CWF19L2: variants seen among roughly 807,000 people sequenced by gnomAD.
The protein encoded by CWF19L2 is CWF19 like cell cycle control factor 2.
Under a neutral mutation model 111.7 loss-of-function variants are expected in CWF19L2, and 98 were observed. The ratio of observed to expected loss-of-function variants is 0.88; its 90% CI spans 0.75 to 1.04. CWF19L2 has a LOEUF of 1.04. Among genes scored for constraint, CWF19L2 ranks in the 50% least tolerant of loss-of-function variants. The pLI is 0.00. For synonymous variants in CWF19L2, 351 were observed against 342.9 expected (o/e 1.02, Z -0.26); for missense variants, 1,101 against 1,051.4 (o/e 1.05, Z -0.65).
In CWF19L2 at chr11:107,418,334, G is replaced by A. The variant is rs752106519; in HGVS notation, c.1434-47C>T. 3 of 1,200,750 alleles carry A rather than the reference G, an allele frequency of 2.5e-6. No homozygotes were observed. The South Asian group carries it at 3.6e-5, about 15-fold the overall frequency. 74.4% of individuals were successfully genotyped at this position (1,200,750 alleles called of 1,614,324 possible). A position where few individuals can be genotyped will look rare whatever the true frequency, so the allele number is the denominator to read the frequency against. Reference sequence around the variant, plus strand: ...ACAGCATATGAAATATAGGTGCGATGCAAGCAATAACATCAAGACTCAAAT... The same window carrying A: ...ACAGCATATGAAATATAGGTGCGATACAAGCAATAACATCAAGACTCAAAT... On this transcript the variant is annotated intron_variant, in intron 8 of 17. Coordinates refer to ENST00000282251, the MANE Select transcript of CWF19L2 (RefSeq NM_152434.3).
At chr11:107,446,636 C>T (rs1448941356) in intron 3 of CWF19L2, among the ~76,000 whole-genome samples, 1 of 152,128 alleles carries the variant, frequency 6.6e-6, no homozygotes, top group Non-Finnish European at 1.5e-5. Context: ...ATGAGTTCCC[C>T]AAAGGTTTAA....
intron 16 of CWF19L2, among the ~76,000 whole-genome samples, chr11:107,331,979 C>T (rs918173695): frequency 6.6e-6 from 1 of 152,206 alleles, no homozygotes; most frequent in Non-Finnish European, 1.5e-5. Context: ...GCATTTGGAA[C>T]TCTGGCACCA....
intron 10 of CWF19L2, among the ~76,000 whole-genome samples, chr11:107,396,489 A>C (rs609775): frequency 0.13 from 19,038 of 152,202 alleles, 2,207 homozygotes; most frequent in African/African-American, 0.3. Context: ...TCTTATTTTA[A>C]AGGAAGAAAG....
Position 107,329,939 on chromosome 11 carries a change from TTTGTGCTGATC to T in CWF19L2, c.2509_2519del (p.Asp837IlefsTer30). The T allele has an allele frequency of 6.3e-7, 1 of 1,587,736 alleles. No individual in the cohort carries two copies. The highest frequency in any genetic ancestry group is 8.6e-7 in the Non-Finnish European group (1 of 1,167,778). Reference sequence around the variant, plus strand: ...CTACCTTTCCAAAGTAATGAGGGAATTTGTGCTGATCTTCAATGACATGGGCAAACCCTCCG... The same window carrying T: ...CTACCTTTCCAAAGTAATGAGGGAATTTCAATGACATGGGCAAACCCTCCG... On this transcript the variant is annotated frameshift_variant, in exon 17 of 18. Coordinates refer to ENST00000282251, the MANE Select transcript of CWF19L2 (RefSeq NM_152434.3). LOFTEE classifies it high-confidence loss of function.
At chr11:107,382,093 G>C (rs1221278991) in intron 12 of CWF19L2, among the ~76,000 whole-genome samples, 1 of 152,096 alleles carries the variant, frequency 6.6e-6, no homozygotes, top group African/African-American at 2.4e-5. Context: ...TTGAAGATGT[G>C]CCTGAGTTTA....
intron 10 of CWF19L2, chr11:107,403,276 A>G: frequency 2.3e-6 from 1 of 431,772 alleles, no homozygotes. Context: ...ATTTATCTGC[A>G]AAAGACACTT....
chr11:107,355,578 C>T (rs1860225907), intron 12 of CWF19L2, among the ~76,000 whole-genome samples: 1 of 152,004 alleles, frequency 6.6e-6, no homozygotes, highest in Admixed American at 6.5e-5. Context: ...GATTTCATAG[C>T]ATATAGTATT....
rs543408903 is a variant in CWF19L2, at chr11:107,370,648, A to G, written c.1873-16912T>C. The stretch of plus-strand genomic sequence containing the variant: ...CCTCATCTTAAACACTGAAAATGGA[A>G]GTGGATATTTCAGATGCCATAAATA... On this transcript the variant is annotated intron_variant, in intron 12 of 17. Coordinates refer to ENST00000282251, the MANE Select transcript of CWF19L2 (RefSeq NM_152434.3). Among the ~76,000 whole-genome samples the G allele has an allele frequency of 4.4e-5, 6 of 137,536 alleles. 1 individual carries two copies. Among genetic ancestry groups the G allele is most frequent in the African/African-American group, 1.7e-4 (6 of 34,548 alleles). 90.2% of individuals were successfully genotyped at this position (137,536 alleles called of 152,430 possible).
At chr11:107,332,263 C>A (rs1859860925) in intron 16 of CWF19L2, among the ~76,000 whole-genome samples, 1 of 152,164 alleles carries the variant, frequency 6.6e-6, no homozygotes. Flanking sequence ...AAAGAATTCT[C>A]ATGCAATCTC....
At chr11:107,423,253 T>G (rs1438354919) in intron 8 of CWF19L2, among the ~76,000 whole-genome samples, 2 of 152,056 alleles carry the variant, frequency 1.3e-5, no homozygotes, top group Non-Finnish European at 2.9e-5. Flanking sequence ...CTCTTTTACT[T>G]ACTAACCAAA....
intron 10 of CWF19L2, chr11:107,404,671 C>T: frequency 2.4e-6 from 1 of 423,666 alleles, no homozygotes; most frequent in Non-Finnish European, 4.5e-6. Flanking sequence ...TAACTGTCTT[C>T]CCCACCTTTC....
intron 6 of CWF19L2, among the ~76,000 whole-genome samples, chr11:107,435,610 C>A (rs930431922): frequency 3.3e-5 from 5 of 151,964 alleles, no homozygotes; most frequent in African/African-American, 4.8e-5. Flanking sequence ...TAAATCCATA[C>A]AATTTTAGAA....
chr11:107,384,576 A>T (rs963237334), intron 12 of CWF19L2, among the ~76,000 whole-genome samples: 5 of 152,182 alleles, frequency 3.3e-5, no homozygotes, highest in South Asian at 2.1e-4. Flanking sequence ...TGCATTGAAG[A>T]TTTTATATCC....
intron 12 of CWF19L2, among the ~76,000 whole-genome samples, chr11:107,381,340 T>C (rs931193011): frequency 3.3e-5 from 5 of 152,168 alleles, no homozygotes; most frequent in African/African-American, 1.2e-4. Flanking sequence ...TCCCATCACC[T>C]ATAGGTGAGG....
intron 12 of CWF19L2, among the ~76,000 whole-genome samples, chr11:107,357,598 T>TGATACAGTCTTGCCAA (rs1247746195): frequency 1.7e-4 from 26 of 152,236 alleles, no homozygotes; most frequent in Admixed American, 1.7e-3. Flanking sequence ...GAATTGAAAA[T>TGATACAGTCTTGCCAA]GATACAGTCT....
intron 14 of CWF19L2, among the ~76,000 whole-genome samples, chr11:107,340,571 G>A (rs1859991642): frequency 1.3e-5 from 2 of 152,170 alleles, no homozygotes; most frequent in South Asian, 4.1e-4. Flanking sequence ...CTGTAGATAT[G>A]TAATAATCTT....
rs1358925851 is a variant in CWF19L2, at chr11:107,428,892, G to A, written c.1340C>T (p.Pro447Leu). The A allele has an allele frequency of 6.2e-7, 1 of 1,613,482 alleles. No individual in the cohort carries two copies. The highest frequency in any genetic ancestry group is 1.7e-5 in the Admixed American group (1 of 59,968). The change falls in exon 8 of 18, where the codon CCA becomes CTA. Residue 447 changes from proline (P) to leucine (L), a missense_variant. Physicochemically the swap from Pro to Leu is moderately conservative, Grantham distance 98. Transcript: ENST00000282251. ...ETSTDEHQHV[P>L]EDPREKSQDE... ...TTGTGATTTTTCTCTTGGGTCTTCT[G>A]GAACATGTTGGTGTTCATCAGTACT... is the stretch of plus-strand genomic sequence containing the variant.
Position 107,428,920 on chromosome 11 carries a change from T to G in CWF19L2, c.1312A>C (p.Thr438Pro), listed in dbSNP as rs938249309. 6.2e-7 allele frequency: 1 copy of G among 1,613,690 alleles called. No homozygotes were observed. Among genetic ancestry groups the G allele is most frequent in the African/African-American group, 1.3e-5 (1 of 74,916 alleles). ...KKHSNQKPSE[T>P]STDEHQHVPE... ...ACATGTTGGTGTTCATCAGTACTGG[T>G]TTCCGATGGCTTTTGATTTGAATGT... is the stretch of plus-strand genomic sequence containing the variant. Residue 438 changes from threonine to proline, a missense_variant, in exon 8 of 18, where the codon ACC becomes CCC. Transcript: ENST00000282251.
intron 10 of CWF19L2, among the ~76,000 whole-genome samples, chr11:107,405,443 T>C (rs887707264): frequency 1.3e-5 from 2 of 152,194 alleles, no homozygotes; most frequent in Admixed American, 1.3e-4. Context: ...AGTTGCTTAA[T>C]AGTATTACAC....
Sources: gnomAD v4.1 joint callset for allele counts (sites outside exome capture counted in the v4.1 genomes callset) on GRCh38, gnomAD v4.1.1 for gene constraint, MANE v1.5 for transcripts, NCBI Gene and HGNC (gene_info 2026-07-23, HGNC 2026-07-21) for gene names.